Variants in PARN observed in about 807,000 individuals in gnomAD.
PARN encodes the protein poly(A)-specific ribonuclease.
Under a neutral mutation model 102.8 loss-of-function variants are expected in PARN, and 71 were observed. The ratio of observed to expected loss-of-function variants is 0.69; its 90% CI spans 0.57 to 0.84. PARN has a LOEUF of 0.84. Ranked by LOEUF, PARN falls within the 40% of genes least tolerant of loss-of-function variation. The pLI, the probability that PARN is intolerant of heterozygous loss-of-function variation, is 0.00. For synonymous variants in PARN, 261 were observed against 252.9 expected, an observed-to-expected ratio of 1.03 and a Z score of -0.30; for missense variants, 782 against 760.9, an observed-to-expected ratio of 1.03 and a Z score of -0.33.
intron 21 of PARN, among the ~76,000 whole-genome samples, chr16:14,544,722 T>C (rs1233663714): frequency 6.6e-6 from 1 of 152,116 alleles, no homozygotes; most frequent in Non-Finnish European, 1.5e-5. Context: ...GGCCAGTTTA[T>C]CAGAAAGACA....
At chr16:14,478,504 A>G (rs1486374405) in intron 22 of PARN, among the ~76,000 whole-genome samples, 1 of 152,170 alleles carries the variant, frequency 6.6e-6, no homozygotes, top group African/African-American at 2.4e-5. Flanking sequence ...TAATGGGGAA[A>G]CATTGAACTT....
At chr16:14,586,218 C>G in intron 14 of PARN, 100 bp downstream of exon 14, 1 of 712,370 alleles carries the variant, frequency 1.4e-6, no homozygotes, top group South Asian at 1.6e-5. Flanking sequence ...CTCAAGTGAT[C>G]CTCCCACCTC....
chr16:14,474,641 T>A (rs893221154), intron 22 of PARN, among the ~76,000 whole-genome samples: 1 of 152,196 alleles, frequency 6.6e-6, no homozygotes, highest in Non-Finnish European at 1.5e-5. Context: ...GGGCTCTTGA[T>A]GGGTATTTAC....
Position 14,593,377 on chromosome 16 carries a change from C to T in PARN, c.842G>A (p.Gly281Glu), listed in dbSNP as rs1016593820. The stretch of plus-strand genomic sequence containing the variant: ...CATATTGTGTCCAATAACAAGTTTT[C>T]CCTAAAGAAAGTCAAGGTTAGAAAA... Reference protein sequence around the residue: ...SRVIHAIANSGKLVIGHNMLL... With the variant: ...SRVIHAIANSEKLVIGHNMLL... The change falls in exon 13 of 24, where the codon GGA becomes GAA. Residue 281 changes from glycine to glutamate, a missense_variant and splice_region_variant. Gly to Glu is a moderately conservative substitution (Grantham distance 98, BLOSUM62 -2). Coordinates refer to ENST00000437198, the MANE Select transcript of PARN (RefSeq NM_002582.4). 2 of 1,580,180 alleles carry T rather than the reference C, an allele frequency of 1.3e-6. No homozygotes were observed. Among genetic ancestry groups the T allele is most frequent in the Admixed American group, 3.4e-5 (2 of 59,668 alleles).
chr16:14,593,247 T>C, intron 13 of PARN, 54 bp downstream of exon 13: 1 of 946,932 alleles, frequency 1.1e-6, no homozygotes, highest in Non-Finnish European at 1.7e-6. Flanking sequence ...AATAATATTT[T>C]TTCAGATAAA....
chr16:14,472,373 G>C (rs565391957), intron 22 of PARN, among the ~76,000 whole-genome samples: 2 of 152,330 alleles, frequency 1.3e-5, no homozygotes, highest in East Asian at 3.9e-4. Flanking sequence ...CAAGTGTGCA[G>C]CTGGTAAGGT....
At chr16:14,591,734 T>C (rs1970207799) in intron 13 of PARN, among the ~76,000 whole-genome samples, 1 of 152,006 alleles carries the variant, frequency 6.6e-6, no homozygotes, top group African/African-American at 2.4e-5. Context: ...TAAGGCCGCT[T>C]GCAACAAAAA....
At chr16:14,446,588 T>A (rs990352569) in intron 23 of PARN, among the ~76,000 whole-genome samples, 1 of 152,156 alleles carries the variant, frequency 6.6e-6, no homozygotes, top group Non-Finnish European at 1.5e-5. Context: ...ACATTTTAAA[T>A]ATTGAGGCTG....
At chr16:14,540,925 C>G (rs1287611313) in intron 21 of PARN, among the ~76,000 whole-genome samples, 1 of 151,876 alleles carries the variant, frequency 6.6e-6, no homozygotes, top group East Asian at 1.9e-4. Context: ...CACTCCAGCC[C>G]GGGCCACAGG....
chr16:14,481,632 C>A (rs1283337723), intron 22 of PARN, among the ~76,000 whole-genome samples: 2 of 152,130 alleles, frequency 1.3e-5, no homozygotes, highest in Non-Finnish European at 2.9e-5. Context: ...TTTAATCATA[C>A]CTCAATTTTT....
intron 21 of PARN, among the ~76,000 whole-genome samples, chr16:14,503,687 G>A (rs1033069095): frequency 6.6e-5 from 10 of 152,146 alleles, no homozygotes; most frequent in Admixed American, 2.0e-4. Flanking sequence ...TGAGAAGCAC[G>A]GTCACCTGCC....
At chr16:14,593,164 G>C in intron 13 of PARN, 137 bp downstream of exon 13, 1 of 571,910 alleles carries the variant, frequency 1.7e-6, no homozygotes, top group Non-Finnish European at 3.1e-6. Context: ...GAGTGCATAA[G>C]ATTCTCTCTG....
At chr16:14,524,025 C>G (rs1241691829) in intron 21 of PARN, among the ~76,000 whole-genome samples, 1 of 152,064 alleles carries the variant, frequency 6.6e-6, no homozygotes, top group East Asian at 1.9e-4. Flanking sequence ...TACCTAAACA[C>G]AGAAAAGGTA....
Position 14,446,941 on chromosome 16 carries a change from C to T in PARN, c.1811G>A (p.Gly604Glu). 1 of 1,613,182 alleles carries T rather than the reference C, an allele frequency of 6.2e-7. No individual in the cohort carries two copies. Among genetic ancestry groups the T allele is most frequent in the Middle Eastern group, 1.7e-4 (1 of 6,060 alleles). Residue 604 changes from glycine to glutamate, a missense_variant, in exon 23 of 24, where the codon GGA becomes GAA. Transcript: ENST00000437198. ...TTTTAATTTCTTGGCCTTTTTCCTT[C>T]CCTCTGAGAGGGGCTCTGCACAGGA... ...TDSCAEPLSEGRKKAKKLKRM... is the reference protein window; with the variant it reads ...TDSCAEPLSEERKKAKKLKRM...
At chr16:14,544,934 C>A (rs1452112067) in intron 21 of PARN, among the ~76,000 whole-genome samples, 3 of 152,182 alleles carry the variant, frequency 2.0e-5, no homozygotes, top group Non-Finnish European at 1.5e-5. Flanking sequence ...TGCCTGTAAT[C>A]CCGGCACTTT....
intron 13 of PARN, among the ~76,000 whole-genome samples, chr16:14,590,896 C>A (rs1970157148): frequency 6.6e-6 from 1 of 152,122 alleles, no homozygotes; most frequent in African/African-American, 2.4e-5. Flanking sequence ...TGAAGGTTTA[C>A]AGATGTATAA....
In PARN at chr16:14,629,729, G is replaced by A. The variant is rs998598175; in HGVS notation, c.20-55C>T. The A allele has an allele frequency of 7.7e-6, 10 of 1,304,206 alleles. No individual in the cohort carries two copies. In the African/African-American group the frequency reaches 1.0e-4, roughly 13 times the overall value. 80.8% of individuals were successfully genotyped at this position (1,304,206 alleles called of 1,614,324 possible). On this transcript the variant is annotated intron_variant, in intron 1 of 23. Coordinates refer to ENST00000437198, the MANE Select transcript of PARN (RefSeq NM_002582.4). ...CCAGTGGCCTGAATTCCTGCTAAGG[G>A]GAGAGGGAAGGAGGGCCGAGGAGCT...
chr16:14,442,045 G>A (rs1567281461), intron 23 of PARN, among the ~76,000 whole-genome samples: 1 of 152,174 alleles, frequency 6.6e-6, no homozygotes, highest in African/African-American at 2.4e-5. Context: ...TCTATTTACA[G>A]GACAAAAAAT....
intron 20 of PARN, among the ~76,000 whole-genome samples, chr16:14,553,667 T>C (rs1367808145): frequency 2.6e-5 from 4 of 152,138 alleles, no homozygotes; most frequent in African/African-American, 9.7e-5. Context: ...GTATCACAAA[T>C]CCTGATCTAC....
Sources: allele counts gnomAD v4.1 joint callset (sites outside exome capture counted in the v4.1 genomes callset), GRCh38; gene constraint gnomAD v4.1.1; transcripts MANE v1.5; gene names NCBI Gene and HGNC (gene_info 2026-07-23, HGNC 2026-07-21).